Variants in COG7 observed in about 807,000 individuals in gnomAD.
COG7 encodes the protein component of oligomeric golgi complex 7, also known as conserved oligomeric Golgi complex subunit 7.
COG7 carries 49 observed loss-of-function variants against 91.5 expected under a neutral mutation model. That is an observed-to-expected ratio of 0.54 (90% CI 0.43 to 0.68). The LOEUF is 0.68. Among genes scored for constraint, COG7 ranks in the 30% least tolerant of loss-of-function variants. The pLI, the probability that COG7 is intolerant of heterozygous loss-of-function variation, is 0.00. For missense variants in COG7, 895 were observed against 961.3 expected, an observed-to-expected ratio of 0.93 and a Z score of 0.91; for synonymous variants, 365 against 388.7, an observed-to-expected ratio of 0.94 and a Z score of 0.72.
chr16:23,417,962 C>T (rs1963684027), intron 8 of COG7, among the ~76,000 whole-genome samples: 1 of 152,238 alleles, frequency 6.6e-6, no homozygotes, highest in South Asian at 2.1e-4. Flanking sequence ...TGCTAGACAA[C>T]CTTATGACTT....
At chr16:23,442,738 A>G in intron 3 of COG7, 93 bp from the exon 4 acceptor site, 1 of 1,157,912 alleles carries the variant, frequency 8.6e-7, no homozygotes, top group Non-Finnish European at 1.3e-6. Context: ...CAACTCATCA[A>G]GTATGAAAAT....
intron 14 of COG7, 23 bp downstream of exon 14, chr16:23,398,023 G>A (rs1400523248): frequency 1.1e-5 from 18 of 1,603,236 alleles, no homozygotes; most frequent in East Asian, 2.2e-5. Context: ...GACCACCCTG[G>A]AGAAGCACAC....
rs116595144 is a variant in COG7, at chr16:23,391,854, G to A, written c.2146+526C>T. The A allele has an allele frequency of 2.9e-3, 879 of 308,008 alleles. 13 individuals carry two copies. Among genetic ancestry groups the A allele is most frequent in the African/African-American group, 0.018 (835 of 46,120 alleles). The allele number at this position is 308,008 out of a possible 1,614,324, so 19.1% of individuals were successfully genotyped here. On this transcript the variant is annotated intron_variant, in intron 16 of 16. Coordinates refer to ENST00000307149, the MANE Select transcript of COG7 (RefSeq NM_153603.4). ...ACACGCCCACTGACTTGGCAGGCAG[G>A]ATGCTATCTGGATGGAGACCACAAA...
chr16:23,452,714 T>A, intron 1 of COG7, 112 bp downstream of exon 1: 7 of 1,487,364 alleles, frequency 4.7e-6, no homozygotes, highest in Non-Finnish European at 6.3e-6. Flanking sequence ...TTGCCGAGGG[T>A]ATTTGCTGTC....
In COG7 at chr16:23,388,949, C is replaced by T. The variant is rs557217523; in HGVS notation, c.2284G>A (p.Val762Met). ...KGLPRRLATT[V>M]ATMRSVNY is the part of the protein sequence containing the mutation. ...TAATTCACACTCCGCATGGTGGCCA[C>T]GGTGGTGGCCAGGCGACGGGGCAGG... Residue 762 changes from valine to methionine, a missense_variant, in exon 17 of 17, where the codon GTG becomes ATG. Transcript: ENST00000307149. The T allele has an allele frequency of 6.8e-5, 110 of 1,614,066 alleles. No homozygotes were observed. The highest frequency in any genetic ancestry group is 8.3e-5 in the Admixed American group (5 of 60,016).
In COG7 at chr16:23,440,667, G is replaced by A. The variant is rs908048752; in HGVS notation, c.604+1810C>T. On this transcript the variant is annotated intron_variant, in intron 4 of 16. Transcript: ENST00000307149. Reference sequence around the variant, plus strand: ...AGACGGGGTCTTGCTGTGATACCTCGGCTTGTCTCAAACACCTGGGCTCAG... The same window carrying A: ...AGACGGGGTCTTGCTGTGATACCTCAGCTTGTCTCAAACACCTGGGCTCAG... 2.6e-5 allele frequency among the ~76,000 whole-genome samples: 4 copies of A among 151,740 alleles called. 1 individual carries two copies. Among genetic ancestry groups the A allele is most frequent in the South Asian group, 4.2e-4 (2 of 4,798 alleles).
chr16:23,396,758 T>C (rs373073598), intron 14 of COG7, among the ~76,000 whole-genome samples: 4 of 152,046 alleles, frequency 2.6e-5, no homozygotes, highest in East Asian at 3.8e-4. Context: ...GTTTCATCAG[T>C]AGAGGGTATC....
chr16:23,410,382 T>G (rs375523971), intron 10 of COG7, 22 bp from the exon 11 acceptor site: 16 of 1,599,816 alleles, frequency 1.0e-5, no homozygotes, highest in Non-Finnish European at 1.4e-5. Context: ...AAAAAGCACT[T>G]CAAGTTCAAG....
chr16:23,435,113 C>T (rs1053540980), intron 4 of COG7, among the ~76,000 whole-genome samples: 5 of 152,192 alleles, frequency 3.3e-5, no homozygotes, highest in Non-Finnish European at 7.3e-5. Context: ...CCTGTAATCC[C>T]AGCACTTTGG....
intron 8 of COG7, 70 bp downstream of exon 8, chr16:23,418,630 C>T: frequency 6.6e-7 from 1 of 1,514,124 alleles, no homozygotes; most frequent in South Asian, 1.1e-5. Flanking sequence ...CCCCAGCCCT[C>T]TCCCAGACGT....
Position 23,434,627 on chromosome 16 carries a change from G to A in COG7, c.687+9C>T. 6.2e-7 allele frequency: 1 copy of A among 1,606,068 alleles called. No individual in the cohort carries two copies. The highest frequency in any genetic ancestry group is 8.5e-7 in the Non-Finnish European group (1 of 1,172,584). On this transcript the variant is annotated intron_variant, in intron 5 of 16. Transcript: ENST00000307149. ...AACTGCACAACTGTCATCGCGCACA[G>A]CTTCTTACCTTGTGACACTTGTAGT...
intron 6 of COG7, among the ~76,000 whole-genome samples, chr16:23,428,600 T>G (rs1449240967): frequency 3.3e-5 from 5 of 151,866 alleles, no homozygotes; most frequent in African/African-American, 1.2e-4. Context: ...CAACACCTAA[T>G]TTTGGCAAGG....
At chr16:23,440,657 G>C (rs976583192) in intron 4 of COG7, among the ~76,000 whole-genome samples, 3 of 151,968 alleles carry the variant, frequency 2.0e-5, no homozygotes, top group Non-Finnish European at 4.4e-5. Context: ...GGGTCTTGCT[G>C]TGATACCTCG....
At chr16:23,428,362 T>C (rs963319821) in intron 6 of COG7, among the ~76,000 whole-genome samples, 10 of 149,850 alleles carry the variant, frequency 6.7e-5, no homozygotes, top group African/African-American at 2.4e-4. Flanking sequence ...AAATAAAAAA[T>C]AAAAAATAAA....
rs985342096 is a variant in COG7 at position 23,419,606 on chromosome 16, G to A, written c.1010-779C>T. Among the ~76,000 whole-genome samples, 6 of 150,068 alleles carry A rather than the reference G, an allele frequency of 4.0e-5. 1 individual carries two copies. In the South Asian group the frequency reaches 8.5e-4, roughly 21 times the overall value. On this transcript the variant is annotated intron_variant, in intron 7 of 16. Transcript: ENST00000307149. ...TCTACTAAAAATACAAAAATTAGCCGGGCGTAGTGGCGGGCACCTGTAATT... is the reference window on the plus strand; with the variant it reads ...TCTACTAAAAATACAAAAATTAGCCAGGCGTAGTGGCGGGCACCTGTAATT...
At chr16:23,423,468 G>A (rs1004459612) in intron 7 of COG7, among the ~76,000 whole-genome samples, 17 of 152,064 alleles carry the variant, frequency 1.1e-4, no homozygotes, top group African/African-American at 4.1e-4. Flanking sequence ...CTCCACCTTC[G>A]TCCCACTGTG....
At chr16:23,390,866 C>CA (rs1197086344) in intron 16 of COG7, among the ~76,000 whole-genome samples, 2 of 152,256 alleles carry the variant, frequency 1.3e-5, no homozygotes, top group Non-Finnish European at 2.9e-5. Flanking sequence ...TACTCCTTTA[C>CA]AAGTTTATCC....
chr16:23,394,636 C>G (rs906682660), intron 14 of COG7, among the ~76,000 whole-genome samples: 1 of 151,944 alleles, frequency 6.6e-6, no homozygotes, highest in East Asian at 1.9e-4. Context: ...CACATGTCTA[C>G]GTAACAGCGG....
chr16:23,418,526 A>G (rs1025342314), intron 8 of COG7, among the ~76,000 whole-genome samples, 174 bp downstream of exon 8: 1 of 152,104 alleles, frequency 6.6e-6, no homozygotes, highest in Middle Eastern at 3.2e-3. Context: ...CAATCAATAG[A>G]AAATTGGTAG....
Sources: allele counts gnomAD v4.1 joint callset (sites outside exome capture counted in the v4.1 genomes callset), GRCh38; gene constraint gnomAD v4.1.1; transcripts MANE v1.5; gene names NCBI Gene and HGNC (gene_info 2026-07-23, HGNC 2026-07-21).